Variants in GLIS3 observed in about 807,000 individuals in gnomAD.
GLIS3 encodes zinc finger protein GLIS3.
In GLIS3, 53 loss-of-function variants were observed where a neutral mutation model predicts 78.6. The ratio of observed to expected loss-of-function variants is 0.67; its 90% CI spans 0.54 to 0.85. GLIS3 has a LOEUF of 0.85. Ranked by LOEUF, GLIS3 falls within the 40% of genes least tolerant of loss-of-function variation. GLIS3 has a pLI of 0.00. For synonymous variants in GLIS3, 684 were observed against 509.9 expected, an observed-to-expected ratio of 1.34 and a Z score of -4.60; for missense variants, 1,703 against 1,231.1, an observed-to-expected ratio of 1.38 and a Z score of -5.74.
chr9:4,371,773 C>A, the GLIS3 span, among the ~76,000 whole-genome samples: 1 of 152,238 alleles, frequency 6.6e-6, no homozygotes, highest in Non-Finnish European at 1.5e-5. Flanking sequence ...GTCCCCATCT[C>A]CTACAAAATG....
intron 2 of GLIS3, among the ~76,000 whole-genome samples, chr9:4,148,068 T>C (rs1295779474): frequency 6.6e-6 from 1 of 152,032 alleles, no homozygotes; most frequent in African/African-American, 2.4e-5. Flanking sequence ...CTCCCTCTCC[T>C]TTTTTTTCTT....
intron 2 of GLIS3, chr9:4,144,703 T>C (rs1178018067): frequency 6.6e-6 from 1 of 152,316 alleles, no homozygotes; most frequent in Non-Finnish European, 1.5e-5. Context: ...AGAAACCAGA[T>C]AATTTTATAA....
At chr9:4,285,706 C>T (rs1563897779) in intron 2 of GLIS3, 7 of 328,304 alleles carry the variant, frequency 2.1e-5, no homozygotes, top group South Asian at 1.4e-4. Flanking sequence ...GGCAGCGCTA[C>T]CTGTATCCGG....
At chr9:4,348,839 C>G (rs1005746000), upstream of GLIS3, among the ~76,000 whole-genome samples, 6 of 151,942 alleles carry the variant, frequency 3.9e-5, no homozygotes, top group Non-Finnish European at 5.9e-5. Flanking sequence ...CATAAATGTG[C>G]ATAGAAAATA....
chr9:4,262,256 T>G (rs959117661), intron 2 of GLIS3, among the ~76,000 whole-genome samples: 1 of 152,134 alleles, frequency 6.6e-6, no homozygotes, highest in African/African-American at 2.4e-5. Context: ...CCCAACAAGA[T>G]ATAAGGTAAA....
chr9:4,036,519 A>G (rs1824322482), intron 4 of GLIS3, among the ~76,000 whole-genome samples: 1 of 152,214 alleles, frequency 6.6e-6, no homozygotes, highest in African/African-American at 2.4e-5. Flanking sequence ...AACGGTTTCT[A>G]TCAGTAGCCA....
At chr9:4,037,342 G>A (rs1041012009) in intron 4 of GLIS3, among the ~76,000 whole-genome samples, 42 of 152,220 alleles carry the variant, frequency 2.8e-4, no homozygotes, top group African/African-American at 9.9e-4. Flanking sequence ...ACCCCTCCGT[G>A]CCTCAGTTTT....
chr9:4,337,863 A>G (rs549457622), intron 2 of GLIS3, among the ~76,000 whole-genome samples: 11 of 152,248 alleles, frequency 7.2e-5, no homozygotes, highest in Admixed American at 7.2e-4. Flanking sequence ...TGAGGCAACT[A>G]TTACCCCCAT....
chr9:4,010,740 C>T (rs1821936687), intron 4 of GLIS3, among the ~76,000 whole-genome samples: 1 of 152,170 alleles, frequency 6.6e-6, no homozygotes, highest in Non-Finnish European at 1.5e-5. Flanking sequence ...CCATGCTCCA[C>T]CAGCCCTTCT....
intron 4 of GLIS3, among the ~76,000 whole-genome samples, chr9:3,964,838 C>T (rs1817811705): frequency 6.6e-6 from 1 of 152,006 alleles, no homozygotes; most frequent in Non-Finnish European, 1.5e-5. Flanking sequence ...AATTATGGTG[C>T]TCAAAAATTG....
chr9:4,002,085 T>C (rs1288141494), intron 4 of GLIS3, among the ~76,000 whole-genome samples: 2 of 152,224 alleles, frequency 1.3e-5, no homozygotes, highest in East Asian at 3.8e-4. Context: ...AGATTATCAT[T>C]ATCCCAGATT....
chr9:4,460,530 G>C, the GLIS3 span, among the ~76,000 whole-genome samples: 4 of 152,094 alleles, frequency 2.6e-5, no homozygotes, highest in Non-Finnish European at 4.4e-5. Flanking sequence ...TGATGTCCTG[G>C]CTAGTGCAGG....
At chr9:3,903,622 C>G (rs939381579) in intron 6 of GLIS3, among the ~76,000 whole-genome samples, 2 of 152,172 alleles carry the variant, frequency 1.3e-5, no homozygotes, top group African/African-American at 4.8e-5. Flanking sequence ...AACCATATGC[C>G]AGGCACTGTT....
At chr9:4,151,111 T>G (rs189735978) in intron 2 of GLIS3, 1 of 152,106 alleles carries the variant, frequency 6.6e-6, no homozygotes, top group Non-Finnish European at 1.5e-5. Flanking sequence ...AAAAGCGACA[T>G]AGAGATGCCT....
rs1378791217 is a variant in GLIS3 at position 3,919,682 on chromosome 9, AAAATG to A, written c.1983+12673_1983+12677del. ...AAAATTAAAAATAAAAAAAAATAAT[AAAATG>A]AAATGAAATGGGATCAGGATACCCC... On this transcript the variant is annotated intron_variant, in intron 6 of 10. Coordinates refer to ENST00000381971, the MANE Select transcript of GLIS3 (RefSeq NM_001042413.2). Among the ~76,000 whole-genome samples the A allele has an allele frequency of 5.3e-5, 8 of 151,854 alleles. No individual in the cohort carries two copies. The East Asian group carries it at 1.2e-3, about 22-fold the overall frequency.
chr9:4,488,664 T>C, the GLIS3 span, among the ~76,000 whole-genome samples: 1 of 151,684 alleles, frequency 6.6e-6, no homozygotes, highest in Admixed American at 6.6e-5. Context: ...GGATTACAGG[T>C]GCATGGCCCT....
chr9:4,116,385 A>G (rs1196365715), intron 4 of GLIS3, among the ~76,000 whole-genome samples: 3 of 152,216 alleles, frequency 2.0e-5, no homozygotes, highest in East Asian at 3.8e-4. Flanking sequence ...CTGTCTGGAA[A>G]GTAATTATTC....
chr9:3,965,469 C>T (rs1217083114), intron 4 of GLIS3, among the ~76,000 whole-genome samples: 1 of 152,192 alleles, frequency 6.6e-6, no homozygotes, highest in African/African-American at 2.4e-5. Flanking sequence ...GCTGGGATTA[C>T]AGGCGTGAGC....
At chr9:4,399,937 TCAATA>T in the GLIS3 span, among the ~76,000 whole-genome samples, 2 of 152,158 alleles carry the variant, frequency 1.3e-5, no homozygotes, top group Admixed American at 1.3e-4. Context: ...CGTGGTCTTT[TCAATA>T]CAGCATGGTT....
Sources: allele counts gnomAD v4.1 joint callset (sites outside exome capture counted in the v4.1 genomes callset), GRCh38; gene constraint gnomAD v4.1.1; transcripts MANE v1.5; gene names NCBI Gene and HGNC (gene_info 2026-07-23, HGNC 2026-07-21).